Variants in SHC4 observed in about 807,000 individuals in gnomAD.
The protein encoded by SHC4 is SHC-transforming protein 4.
Under a neutral mutation model 69.4 loss-of-function variants are expected in SHC4, and 41 were observed. The observed-to-expected ratio is 0.59, with a 90% CI of 0.46 to 0.77. SHC4 has a LOEUF of 0.77. Among genes scored for constraint, SHC4 ranks in the 30% least tolerant of loss-of-function variants. SHC4 has a pLI of 0.00. For synonymous variants in SHC4, 318 were observed against 299.3 expected, an observed-to-expected ratio of 1.06 and a Z score of -0.64; for missense variants, 777 against 783.8, an observed-to-expected ratio of 0.99 and a Z score of 0.10.
intron 10 of SHC4, among the ~76,000 whole-genome samples, chr15:48,841,615 C>A (rs894249113): frequency 1.3e-5 from 2 of 152,184 alleles, no homozygotes; most frequent in Non-Finnish European, 2.9e-5. Context: ...TAGGACAACT[C>A]CGACAGACCA....
intron 7 of SHC4, among the ~76,000 whole-genome samples, chr15:48,857,246 A>G (rs1159376412): frequency 1.3e-5 from 2 of 151,358 alleles, no homozygotes; most frequent in African/African-American, 4.9e-5. Flanking sequence ...TTGCAAACCA[A>G]CTGACAGGAA....
intron 1 of SHC4, among the ~76,000 whole-genome samples, chr15:48,937,583 CATAGATAG>C (rs5812469): frequency 0.027 from 4,005 of 147,906 alleles, 62 homozygotes; most frequent in Admixed American, 0.034. Flanking sequence ...CACACAGACA[CATAGATAG>C]ATAGATAGAT....
In SHC4 at chr15:48,825,932, G is replaced by T. The variant is rs757845893; in HGVS notation, c.*39C>A. 2.6e-5 allele frequency: 41 copies of T among 1,591,364 alleles called. No individual in the cohort carries two copies. Among genetic ancestry groups the T allele is most frequent in the Non-Finnish European group, 2.9e-5 (34 of 1,170,812 alleles). On this transcript the variant is annotated 3_prime_UTR_variant, in exon 12 of 12. Coordinates refer to ENST00000332408, the MANE Select transcript of SHC4 (RefSeq NM_203349.4). Reference sequence around the variant, plus strand: ...ATCTTTGTGTCCTAATACAAAATGGGGTTTCTTGAAATATCAGTGTGATGG... The same window carrying T: ...ATCTTTGTGTCCTAATACAAAATGGTGTTTCTTGAAATATCAGTGTGATGG...
intron 1 of SHC4, among the ~76,000 whole-genome samples, chr15:48,929,546 C>T (rs1900916333): frequency 6.6e-6 from 1 of 152,150 alleles, no homozygotes; most frequent in African/African-American, 2.4e-5. Flanking sequence ...GTCTGCAGTC[C>T]ATTGCTAGGA....
intron 1 of SHC4, among the ~76,000 whole-genome samples, chr15:48,929,840 T>C (rs1900924391): frequency 6.6e-6 from 1 of 152,196 alleles, no homozygotes; most frequent in African/African-American, 2.4e-5. Flanking sequence ...AACCTGCCCA[T>C]TCAGCCCCCA....
At chr15:48,887,519 G>A (rs574986173) in intron 3 of SHC4, among the ~76,000 whole-genome samples, 6 of 152,096 alleles carry the variant, frequency 3.9e-5, no homozygotes, top group Non-Finnish European at 8.8e-5. Flanking sequence ...TGAGTGCTAG[G>A]AGGAAAAATC....
Position 48,856,013 on chromosome 15 carries a change from T to C in SHC4, c.1182A>G (p.Lys394=), listed in dbSNP as rs776474777. Residue 394 remains lysine, a synonymous_variant, in exon 8 of 12, where the codon AAA becomes AAG. Transcript: ENST00000332408. The part of the protein sequence containing the change: ...PVGGVSDMRI[K]VQATEQMAYC... ...AAGCCATTTGTTCCGTGGCTTGAAC[T>C]TTGATCCGCATATCTGAAACACCAC... 103 of 1,613,862 alleles carry C rather than the reference T, an allele frequency of 6.4e-5. No individual in the cohort carries two copies. Among genetic ancestry groups the C allele is most frequent in the Non-Finnish European group, 8.6e-5 (101 of 1,179,888 alleles).
At chr15:48,851,337 T>G in intron 8 of SHC4, 89 bp from the exon 9 acceptor site, 1 of 1,213,108 alleles carries the variant, frequency 8.2e-7, no homozygotes, top group Non-Finnish European at 1.2e-6. Flanking sequence ...CCCAGAAGAA[T>G]ATAGCAGACT....
rs555594190 is a variant in SHC4, at chr15:48,864,665, T to G, written c.946+3153A>C. Among the ~76,000 whole-genome samples, 3 of 152,096 alleles carry G rather than the reference T, an allele frequency of 2.0e-5. No homozygotes were observed. The South Asian group carries it at 6.2e-4, about 32-fold the overall frequency. Reference sequence around the variant, plus strand: ...GGTTTCACCGTGTTAGCCAGGATGGTCTCCATCTCCTGACCTCATGATCTG... The same window carrying G: ...GGTTTCACCGTGTTAGCCAGGATGGGCTCCATCTCCTGACCTCATGATCTG... On this transcript the variant is annotated intron_variant, in intron 6 of 11. Coordinates refer to ENST00000332408, the MANE Select transcript of SHC4 (RefSeq NM_203349.4).
chr15:48,939,650 C>G (rs981540011), intron 1 of SHC4, among the ~76,000 whole-genome samples: 1 of 152,192 alleles, frequency 6.6e-6, no homozygotes, highest in African/African-American at 2.4e-5. Context: ...AGGACTGTAA[C>G]CAAGTTTCAG....
intron 2 of SHC4, among the ~76,000 whole-genome samples, chr15:48,896,232 C>T (rs1900218057): frequency 6.7e-6 from 1 of 149,310 alleles, no homozygotes; most frequent in Admixed American, 6.7e-5. Flanking sequence ...CTCTCCCTCC[C>T]TCCCTCCCTC....
chr15:48,844,775 G>A (rs1328150633), intron 9 of SHC4, among the ~76,000 whole-genome samples: 1 of 152,124 alleles, frequency 6.6e-6, no homozygotes, highest in East Asian at 1.9e-4. Flanking sequence ...AGATCTGATG[G>A]TTTTATAAAT....
At chr15:48,908,015 A>G (rs1900441304) in intron 2 of SHC4, among the ~76,000 whole-genome samples, 1 of 152,122 alleles carries the variant, frequency 6.6e-6, no homozygotes, top group Non-Finnish European at 1.5e-5. Flanking sequence ...TAGAAGGGAA[A>G]GTTGAGGCTC....
intron 9 of SHC4, among the ~76,000 whole-genome samples, chr15:48,845,380 G>C (rs1899067838): frequency 6.6e-6 from 1 of 152,150 alleles, no homozygotes. Flanking sequence ...CTGTATGTGG[G>C]GTATCCTAAA....
chr15:48,876,855 C>T (rs908084479), intron 4 of SHC4: 1 of 283,860 alleles, frequency 3.5e-6, no homozygotes, highest in East Asian at 6.9e-5. Context: ...CACCAATGAT[C>T]AATACTTGTA....
intron 4 of SHC4, among the ~76,000 whole-genome samples, chr15:48,873,466 C>T (rs981854359): frequency 1.1e-4 from 16 of 152,168 alleles, no homozygotes; most frequent in Admixed American, 3.3e-4. Context: ...AATAGTCGGC[C>T]GGGCGCAGTG....
intron 1 of SHC4, among the ~76,000 whole-genome samples, chr15:48,945,118 C>A (rs1901251203): frequency 6.6e-6 from 1 of 152,102 alleles, no homozygotes; most frequent in Admixed American, 6.6e-5. Context: ...GCTCAAGAGC[C>A]CAGATTGAAA....
At chr15:48,860,128 A>C (rs1467601971) in intron 6 of SHC4, among the ~76,000 whole-genome samples, 1 of 151,960 alleles carries the variant, frequency 6.6e-6, no homozygotes, top group Non-Finnish European at 1.5e-5. Flanking sequence ...TCCTAACACT[A>C]ATATGCTAGC....
At chr15:48,858,797 G>T (rs1353507610) in intron 6 of SHC4, among the ~76,000 whole-genome samples, 1 of 152,144 alleles carries the variant, frequency 6.6e-6, no homozygotes, top group Non-Finnish European at 1.5e-5. Flanking sequence ...AGGAACATTG[G>T]GATAACCAGA....
Sources: gnomAD v4.1 joint callset for allele counts (sites outside exome capture counted in the v4.1 genomes callset) on GRCh38, gnomAD v4.1.1 for gene constraint, MANE v1.5 for transcripts, NCBI Gene and HGNC (gene_info 2026-07-23, HGNC 2026-07-21) for gene names.